The following SLC35D4 variants were observed in gnomAD, a reference collection of about 807,000 sequenced individuals.
The protein encoded by SLC35D4 is UDP-N-acetylglucosamine transporter SLC35D4.
chr18:23,304,708 G>C, the SLC35D4 span, among the ~76,000 whole-genome samples: 1 of 152,092 alleles, frequency 6.6e-6, no homozygotes, highest in Non-Finnish European at 1.5e-5. Flanking sequence ...GAGGAAGAGG[G>C]GGGAGGAAGA....
chr18:23,283,490 A>AG, the SLC35D4 span, among the ~76,000 whole-genome samples: 15 of 149,404 alleles, frequency 1.0e-4, no homozygotes, highest in African/African-American at 3.7e-4. Flanking sequence ...AAAAAAAAAA[A>AG]AAAGAAAGAA....
At chr18:23,334,059 C>A in the SLC35D4 span, among the ~76,000 whole-genome samples, 1 of 152,090 alleles carries the variant, frequency 6.6e-6, no homozygotes, top group African/African-American at 2.4e-5. Context: ...AGTATAGTTA[C>A]CTGATTATTA....
the SLC35D4 span, among the ~76,000 whole-genome samples, chr18:23,305,224 G>T: frequency 3.3e-5 from 5 of 152,190 alleles, no homozygotes; most frequent in Non-Finnish European, 7.3e-5. Context: ...CTTGTCCTGG[G>T]TGACGCTCTG....
the SLC35D4 span, chr18:23,356,634 A>G: frequency 6.2e-7 from 1 of 1,614,192 alleles, no homozygotes; most frequent in South Asian, 1.1e-5. The surrounding 1 kb of genome is among the most constrained non-coding windows in gnomAD (Gnocchi z 4.1). Flanking sequence ...AAGTACAGGA[A>G]TGGGAAGTCC....
the SLC35D4 span, among the ~76,000 whole-genome samples, chr18:23,371,926 G>GTTTTTTTTTTTTTTTTTT: frequency 1.7e-4 from 2 of 11,864 alleles, no homozygotes; most frequent in African/African-American, 2.7e-4. Context: ...TTTCTTCCTT[G>GTTTTTTTTTTTTTTTTTT]TTTTTTTTGT....
chr18:23,239,728 T>A, the SLC35D4 span, among the ~76,000 whole-genome samples: 1 of 152,192 alleles, frequency 6.6e-6, no homozygotes, highest in African/African-American at 2.4e-5. Context: ...CCACAACCCC[T>A]CTTCTCCTCC....
chr18:23,292,901 C>T, the SLC35D4 span, among the ~76,000 whole-genome samples: 1 of 152,164 alleles, frequency 6.6e-6, no homozygotes, highest in African/African-American at 2.4e-5. Context: ...CCAACACCCC[C>T]TTCTTTTGCC....
At chr18:23,381,376 G>C in the SLC35D4 span, among the ~76,000 whole-genome samples, 1 of 152,182 alleles carries the variant, frequency 6.6e-6, no homozygotes, top group African/African-American at 2.4e-5. Flanking sequence ...GGGTCTCACT[G>C]TTGCTCAGGC....
the SLC35D4 span, among the ~76,000 whole-genome samples, chr18:23,355,481 C>T: frequency 6.6e-6 from 1 of 152,170 alleles, no homozygotes; most frequent in Admixed American, 6.5e-5. Flanking sequence ...CAAGGCCTAA[C>T]CAATTGACAG....
chr18:23,402,406 A>G, the SLC35D4 span, among the ~76,000 whole-genome samples: 49 of 152,354 alleles, frequency 3.2e-4, no homozygotes, highest in African/African-American at 1.1e-3. Context: ...AGAAACGGAC[A>G]CCAGTCAACA....
At chr18:23,304,749 G>A in the SLC35D4 span, among the ~76,000 whole-genome samples, 1 of 152,058 alleles carries the variant, frequency 6.6e-6, no homozygotes, top group Non-Finnish European at 1.5e-5. Flanking sequence ...CCCAGTTCTG[G>A]TTACAAATCA....
At chr18:23,370,302 G>T in the SLC35D4 span, 1 of 1,600,324 alleles carries the variant, frequency 6.2e-7, no homozygotes, top group Non-Finnish European at 8.5e-7. Flanking sequence ...ATGGTATTCT[G>T]CTCAAGGAGC....
the SLC35D4 span, among the ~76,000 whole-genome samples, chr18:23,310,717 C>T: frequency 6.6e-6 from 1 of 151,922 alleles, no homozygotes; most frequent in Non-Finnish European, 1.5e-5. Context: ...GACAGACAAG[C>T]AGAAGGAAGG....
the SLC35D4 span, among the ~76,000 whole-genome samples, chr18:23,405,484 C>T: frequency 5.9e-5 from 9 of 152,226 alleles, no homozygotes; most frequent in Non-Finnish European, 1.5e-5. Context: ...GCCACCACAC[C>T]TGGCCAATTT....
At chr18:23,335,975 C>T in the SLC35D4 span, among the ~76,000 whole-genome samples, 3 of 151,694 alleles carry the variant, frequency 2.0e-5, no homozygotes, top group Non-Finnish European at 2.9e-5. Context: ...AGTTGTGAAA[C>T]AGAATTGTTA....
At chr18:23,406,680 A>T in the SLC35D4 span, among the ~76,000 whole-genome samples, 1 of 152,262 alleles carries the variant, frequency 6.6e-6, no homozygotes, top group Non-Finnish European at 1.5e-5. Context: ...CTTCAGCTAT[A>T]AAAGCTCACA....
At chr18:23,288,724 G>A in the SLC35D4 span, among the ~76,000 whole-genome samples, 12 of 152,202 alleles carry the variant, frequency 7.9e-5, no homozygotes, top group East Asian at 1.2e-3. Context: ...ATAATTCCTC[G>A]GTATGGCCTT....
At chr18:23,433,399 AT>A in the SLC35D4 span, among the ~76,000 whole-genome samples, 1 of 152,260 alleles carries the variant, frequency 6.6e-6, no homozygotes, top group South Asian at 2.1e-4. Flanking sequence ...GTATTTATTA[AT>A]TTAATAAATT....
At chr18:23,394,173 CGTG>C in the SLC35D4 span, among the ~76,000 whole-genome samples, 1 of 152,208 alleles carries the variant, frequency 6.6e-6, no homozygotes, top group African/African-American at 2.4e-5. Flanking sequence ...CATTCCCACC[CGTG>C]GTGCTCAAGG....
Sources: allele counts gnomAD v4.1 joint callset (sites outside exome capture counted in the v4.1 genomes callset), GRCh38; gene constraint gnomAD v4.1.1; non-coding constraint Gnocchi (gnomAD v3.1); transcripts MANE v1.5; gene names NCBI Gene and HGNC (gene_info 2026-07-23, HGNC 2026-07-21).